OGT: variants seen among roughly 807,000 people sequenced by gnomAD.
OGT encodes UDP-N-acetylglucosamine--peptide N-acetylglucosaminyltransferase 110 kDa subunit.
In OGT, 3 loss-of-function variants were observed where a neutral mutation model predicts 75.8. The observed-to-expected ratio is 0.04, with a 90% CI of 0.02 to 0.10. The LOEUF is 0.10. Among genes scored for constraint, OGT ranks in the 10% least tolerant of loss-of-function variants. The pLI is 1.00. For synonymous variants in OGT, 257 were observed against 289.7 expected (o/e 0.89, Z 1.15); for missense variants, 260 against 824.4 (o/e 0.32, Z 8.38).
intron 3 of OGT, among the ~76,000 whole-genome samples, chrX:71,541,929 C>G (rs936952017): frequency 1.3e-4 from 14 of 111,422 alleles, no homozygotes; most frequent in African/African-American, 3.9e-4. Flanking sequence ...ACGATTTTCC[C>G]TTGTATACAG....
At chrX:71,570,033 GTTTTTTTTTTTTT>G (rs34416880) in intron 21 of OGT, among the ~76,000 whole-genome samples, 1 of 26,499 alleles carries the variant, frequency 3.8e-5, no homozygotes, top group Non-Finnish European at 6.2e-5. Context: ...TGTGCCTGGC[GTTTTTTTTTTTTT>G]TTTTTTTTTT....
At chrX:71,535,692 T>C (rs1238624140) in intron 1 of OGT, among the ~76,000 whole-genome samples, 1 of 111,845 alleles carries the variant, frequency 8.9e-6, no homozygotes, top group Non-Finnish European at 1.9e-5. Context: ...GATTGATAGA[T>C]TGTTACCAGT....
Position 71,563,261 on chromosome X carries a change from A to G in OGT, c.2265+15A>G. ...AAATTGTCAAGGTCAGAACCTAGTC[A>G]GTATTGTCATTGAAATAAAGTTAAC... On this transcript the variant is annotated intron_variant, in intron 17 of 21. Coordinates refer to ENST00000373719, the MANE Select transcript of OGT (RefSeq NM_181672.3). The G allele has an allele frequency of 8.3e-7, 1 of 1,198,182 alleles. No homozygotes were observed. Among genetic ancestry groups the G allele is most frequent in the Non-Finnish European group, 1.1e-6 (1 of 884,263 alleles).
At chrX:71,539,625 T>A (rs1433156415) in intron 3 of OGT, among the ~76,000 whole-genome samples, 1 of 112,521 alleles carries the variant, frequency 8.9e-6, no homozygotes, top group African/African-American at 3.2e-5. Flanking sequence ...GAGTGACTTT[T>A]TGTAAGTTTT....
chrX:71,560,608 A>G (rs1347060101), intron 14 of OGT, among the ~76,000 whole-genome samples: 11 of 112,150 alleles, frequency 9.8e-5, no homozygotes, highest in Admixed American at 8.5e-4. Flanking sequence ...GTATGTGTAT[A>G]TATATATGAA....
intron 4 of OGT, chrX:71,544,938 T>G: frequency 3.9e-6 from 1 of 253,438 alleles, no homozygotes; most frequent in Non-Finnish European, 7.2e-6. Context: ...ATCTGAGGCT[T>G]GCCTGCTGGT....
At chrX:71,567,451 A>C in intron 19 of OGT, 49 bp from the exon 20 acceptor site, 3 of 1,064,546 alleles carry the variant, frequency 2.8e-6, no homozygotes, top group Non-Finnish European at 3.7e-6. Flanking sequence ...GTCTTTGTTG[A>C]AAAAGGCAGA....
intron 3 of OGT, among the ~76,000 whole-genome samples, chrX:71,543,831 G>A (rs1256304631): frequency 9.7e-6 from 1 of 103,298 alleles, no homozygotes; most frequent in East Asian, 3.0e-4. Flanking sequence ...CTGTCGCCCA[G>A]GCTGGAGTGC....
intron 21 of OGT, among the ~76,000 whole-genome samples, chrX:71,572,188 C>G (rs961147800): frequency 1.1e-4 from 12 of 111,940 alleles, no homozygotes; most frequent in Non-Finnish European, 2.1e-4. Context: ...AACCACTGTT[C>G]TGGAGGGTTT....
chrX:71,555,134 T>TTGTGTGTG lies in OGT; in HGVS notation c.729-18_729-11dup, dbSNP rs376605851. On this transcript the variant is annotated intron_variant, in intron 6 of 21. Coordinates refer to ENST00000373719, the MANE Select transcript of OGT (RefSeq NM_181672.3). ...CCATCCATTAAGCATGAGTTACATT[T>TTGTGTGTG]TGTGTGTGTGTGTGTGTGTGTGTGT... The TTGTGTGTG allele has an allele frequency of 7.8e-3, 4,165 of 531,832 alleles. 48 individuals carry two copies. Among genetic ancestry groups the TTGTGTGTG allele is most frequent in the African/African-American group, 0.038 (1,269 of 33,713 alleles). The allele number at this position is 531,832 out of a possible 1,213,427, so 43.8% of individuals were successfully genotyped here. A position where few individuals can be genotyped will look rare whatever the true frequency, so the allele number is the denominator to read the frequency against.
chrX:71,535,348 C>G (rs1038072799), intron 1 of OGT, among the ~76,000 whole-genome samples: 5 of 111,629 alleles, frequency 4.5e-5, no homozygotes, highest in Admixed American at 1.9e-4. Context: ...TGTCTTAATC[C>G]TTTAGTCAAT....
At chrX:71,537,115 G>A in intron 2 of OGT, 1 of 145,336 alleles carries the variant, frequency 6.9e-6, no homozygotes, top group South Asian at 1.2e-4. Flanking sequence ...TTACAGGCAT[G>A]TGCCACCACG....
chrX:71,534,533 G>C (rs1339818630), intron 1 of OGT, among the ~76,000 whole-genome samples: 1 of 110,948 alleles, frequency 9.0e-6, no homozygotes, highest in Non-Finnish European at 1.9e-5. Context: ...TGTGTGGAGG[G>C]TTTTAGCTAC....
intron 14 of OGT, among the ~76,000 whole-genome samples, chrX:71,560,275 CAAAA>C (rs764918597): frequency 4.4e-5 from 2 of 45,844 alleles, no homozygotes; most frequent in Non-Finnish European, 8.8e-5. Context: ...GACTCTGTCT[CAAAA>C]AAAAAAAAAA....
chrX:71,573,217 C>T (rs1466045407), intron 21 of OGT, among the ~76,000 whole-genome samples: 1 of 111,955 alleles, frequency 8.9e-6, no homozygotes, highest in East Asian at 2.8e-4. Flanking sequence ...TAAAGTGTTA[C>T]TGTTAGGCCA....
chrX:71,565,634 C>A (rs1410016653), intron 19 of OGT, among the ~76,000 whole-genome samples: 1 of 112,075 alleles, frequency 8.9e-6, no homozygotes, highest in Non-Finnish European at 1.9e-5. Context: ...TTTACATATT[C>A]AAAGCATTCT....
At chrX:71,547,869 C>T in intron 4 of OGT, 38 bp from the exon 5 acceptor site, 2 of 1,084,974 alleles carry the variant, frequency 1.8e-6, no homozygotes, top group Non-Finnish European at 2.4e-6. Flanking sequence ...CCCTTTACCT[C>T]CTTTCCCTCC....
intron 4 of OGT, chrX:71,546,746 G>T (rs1233397230): frequency 1.3e-6 from 1 of 752,909 alleles, no homozygotes; most frequent in Non-Finnish European, 1.6e-6. Context: ...TCTTTGTTTG[G>T]ATTGCAGCAT....
chrX:71,550,217 C>T (rs1014442663), intron 5 of OGT, among the ~76,000 whole-genome samples: 8 of 111,922 alleles, frequency 7.1e-5, no homozygotes, highest in Non-Finnish European at 1.1e-4. Context: ...ACAAGGCTTC[C>T]CTTTCTTTAC....
Sources: allele counts gnomAD v4.1 joint callset (sites outside exome capture counted in the v4.1 genomes callset), GRCh38; gene constraint gnomAD v4.1.1; transcripts MANE v1.5; gene names NCBI Gene and HGNC (gene_info 2026-07-23, HGNC 2026-07-21).